The following LRP1B variants were observed in gnomAD, a reference collection of about 807,000 sequenced individuals.
LRP1B encodes the protein low-density lipoprotein receptor-related protein 1B.
A neutral mutation model predicts 556.6 loss-of-function variants in LRP1B; 217 were observed. The observed-to-expected ratio is 0.39, with a 90% CI of 0.35 to 0.44. The LOEUF (loss-of-function observed/expected upper bound fraction) is 0.44. Ranked by LOEUF, LRP1B falls within the 20% of genes least tolerant of loss-of-function variation. The pLI is 1.00. For missense variants in LRP1B, 5,053 were observed against 5,620.8 expected (o/e 0.90, Z 3.23); for synonymous variants, 2,047 against 1,865.8 (o/e 1.10, Z -2.50).
intron 3 of LRP1B, among the ~76,000 whole-genome samples, chr2:141,381,414 C>T (rs543733294): frequency 4.0e-5 from 6 of 150,330 alleles, no homozygotes; most frequent in East Asian, 2.0e-4. Flanking sequence ...AAAGGACTTA[C>T]GAGATGGCAA....
chr2:140,630,564 T>C (rs2099814), intron 41 of LRP1B, among the ~76,000 whole-genome samples: 3 of 152,160 alleles, frequency 2.0e-5, no homozygotes, highest in African/African-American at 4.8e-5. Flanking sequence ...CAGTAGACTT[T>C]AGTAAGAGTG....
intron 6 of LRP1B, among the ~76,000 whole-genome samples, chr2:141,214,018 T>C (rs1682679229): frequency 1.3e-5 from 2 of 152,002 alleles, no homozygotes; most frequent in Non-Finnish European, 2.9e-5. Flanking sequence ...AGTTTTTACT[T>C]GTATTATTTT....
intron 27 of LRP1B, among the ~76,000 whole-genome samples, chr2:140,853,500 T>C (rs958102902): frequency 6.6e-6 from 1 of 152,102 alleles, no homozygotes; most frequent in East Asian, 1.9e-4. Flanking sequence ...ATTTCCTCCC[T>C]CTTACAGAAG....
At chr2:141,210,308 T>TTTTAAAATGACAAAAA in intron 6 of LRP1B, among the ~76,000 whole-genome samples, 1 of 151,838 alleles carries the variant, frequency 6.6e-6, no homozygotes, top group South Asian at 2.1e-4. Flanking sequence ...AAAATAAAAA[T>TTTTAAAATGACAAAAA]TTTAAAATGA....
intron 76 of LRP1B, among the ~76,000 whole-genome samples, chr2:140,352,422 C>T (rs562459897): frequency 9.2e-5 from 14 of 152,270 alleles, no homozygotes; most frequent in African/African-American, 2.9e-4. Context: ...GATCCACTCG[C>T]CTTGGCCTCC....
At chr2:141,373,002 T>A (rs11883920) in intron 3 of LRP1B, among the ~76,000 whole-genome samples, 9,821 of 152,158 alleles carry the variant, frequency 0.065, 415 homozygotes, top group African/African-American at 0.1. Context: ...TATGCATTTA[T>A]TGCTATAAAC....
chr2:140,967,006 G>A (rs1484631408), intron 18 of LRP1B, among the ~76,000 whole-genome samples: 2 of 152,132 alleles, frequency 1.3e-5, no homozygotes, highest in Admixed American at 6.5e-5. Flanking sequence ...TTTTGCCTTA[G>A]GATTGTCTTG....
chr2:141,332,478 C>T (rs1533737), intron 3 of LRP1B, among the ~76,000 whole-genome samples: 88,652 of 150,408 alleles, frequency 0.59, 27,173 homozygotes, highest in African/African-American at 0.71. Context: ...ATTTTATATG[C>T]ATCATCTAAG....
chr2:141,409,174 A>G (rs1690756252), intron 3 of LRP1B, among the ~76,000 whole-genome samples: 1 of 152,220 alleles, frequency 6.6e-6, no homozygotes, highest in Admixed American at 6.5e-5. Flanking sequence ...GGATAATATT[A>G]ATATATGCAA....
chr2:140,700,357 T>G lies in LRP1B; in HGVS notation c.6692A>C (p.Tyr2231Ser), dbSNP rs1316491918. The G allele has an allele frequency of 6.2e-7, 1 of 1,613,156 alleles. No homozygotes were observed. The highest frequency in any genetic ancestry group is 8.5e-7 in the Non-Finnish European group (1 of 1,179,622). Residue 2231 changes from tyrosine to serine, a missense_variant, in exon 41 of 91, where the codon TAT becomes TCT. Physicochemically the swap from Tyr to Ser is moderately radical, Grantham distance 144. This residue lies in a region of LRP1B where 3,619 missense variants were observed against 3,931.9 expected (regional missense o/e 0.92). Coordinates refer to ENST00000389484, the MANE Select transcript of LRP1B (RefSeq NM_018557.3). Reference protein sequence around the residue: ...FKNVIALAFDYNQRRKGTNRI... With the variant: ...FKNVIALAFDSNQRRKGTNRI... ...GTTGGTACCTTTTCTTCTTTGATTA[T>G]AGTCAAAAGCCAAGGCTATGACATT...
At chr2:140,344,815 T>G (rs1317278925) in intron 77 of LRP1B, among the ~76,000 whole-genome samples, 1 of 151,074 alleles carries the variant, frequency 6.6e-6, no homozygotes, top group Non-Finnish European at 1.5e-5. Flanking sequence ...GGGAAGAGAG[T>G]AGAGGACTAA....
chr2:140,461,416 A>G (rs1687313789), intron 60 of LRP1B, among the ~76,000 whole-genome samples: 1 of 152,172 alleles, frequency 6.6e-6, no homozygotes, highest in South Asian at 2.1e-4. Flanking sequence ...TAGTATGTCA[A>G]TAGACATTTC....
intron 59 of LRP1B, among the ~76,000 whole-genome samples, chr2:140,482,329 C>T (rs1244953225): frequency 6.6e-6 from 1 of 152,076 alleles, no homozygotes; most frequent in African/African-American, 2.4e-5. Context: ...TAATGTTTAT[C>T]ATAATGGCCT....
At chr2:140,376,656 C>G (rs549579438) in intron 68 of LRP1B, among the ~76,000 whole-genome samples, 1 of 152,030 alleles carries the variant, frequency 6.6e-6, no homozygotes, top group African/African-American at 2.4e-5. Flanking sequence ...TTCTCTTGAG[C>G]GACCTTTGCA....
At chr2:141,198,597 T>G (rs1370495847) in intron 6 of LRP1B, among the ~76,000 whole-genome samples, 2 of 152,088 alleles carry the variant, frequency 1.3e-5, no homozygotes, top group African/African-American at 4.8e-5. Context: ...TGCTTTTTGT[T>G]TGGGGGAGGA....
chr2:141,312,784 G>A (rs1440377708), intron 3 of LRP1B, among the ~76,000 whole-genome samples: 1 of 151,898 alleles, frequency 6.6e-6, no homozygotes, highest in Non-Finnish European at 1.5e-5. Flanking sequence ...TGCCTCCCAG[G>A]TTCAAGAGAT....
chr2:141,682,107 T>C (rs1036609897), intron 2 of LRP1B, among the ~76,000 whole-genome samples: 1 of 152,124 alleles, frequency 6.6e-6, no homozygotes, highest in Non-Finnish European at 1.5e-5. Context: ...TATGTGTATG[T>C]TCAATTGGGT....
chr2:140,913,244 T>C (rs1248326734), intron 21 of LRP1B, among the ~76,000 whole-genome samples: 1 of 151,952 alleles, frequency 6.6e-6, no homozygotes. Context: ...GGTTTTCTAC[T>C]GAAGAGTGTA....
intron 43 of LRP1B, among the ~76,000 whole-genome samples, chr2:140,552,236 A>G (rs1680571305): frequency 1.3e-5 from 2 of 152,284 alleles, no homozygotes; most frequent in African/African-American, 4.8e-5. Flanking sequence ...TAGACCATCA[A>G]CAAACATTTT....
Sources: allele counts gnomAD v4.1 joint callset (sites outside exome capture counted in the v4.1 genomes callset), GRCh38; gene constraint gnomAD v4.1.1; regional missense constraint gnomAD v4.1.1; transcripts MANE v1.5; gene names NCBI Gene and HGNC (gene_info 2026-07-23, HGNC 2026-07-21).